The following CACNA1S variants were observed in gnomAD, a reference collection of about 807,000 sequenced individuals.
The protein encoded by CACNA1S is calcium voltage-gated channel subunit alpha1 S, also known as voltage-dependent L-type calcium channel subunit alpha-1S.
A neutral mutation model predicts 207.4 loss-of-function variants in CACNA1S; 126 were observed. The ratio of observed to expected loss-of-function variants is 0.61; its 90% CI spans 0.53 to 0.70. The LOEUF is 0.70. Ranked by LOEUF, CACNA1S falls within the 30% of genes least tolerant of loss-of-function variation. The probability of loss-of-function intolerance (pLI) is 0.00; values close to 1 mark genes in which losing one functional copy is unlikely to be tolerated. For synonymous variants in CACNA1S, 960 were observed against 932.7 expected, an observed-to-expected ratio of 1.03 and a Z score of -0.53; for missense variants, 2,349 against 2,422.8, an observed-to-expected ratio of 0.97 and a Z score of 0.64.
chr1:201,066,488 G>A lies in CACNA1S; in HGVS notation c.2658-172C>T, dbSNP rs540109411. Among the ~76,000 whole-genome samples the A allele has an allele frequency of 6.6e-6, 1 of 152,240 alleles. No homozygotes were observed. Among genetic ancestry groups the A allele is most frequent in the Non-Finnish European group, 1.5e-5 (1 of 68,000 alleles). On this transcript the variant is annotated intron_variant, in intron 20 of 43. Coordinates refer to ENST00000362061, the MANE Select transcript of CACNA1S (RefSeq NM_000069.3). This position sits in a 1 kb window ranked among gnomAD's most constrained non-coding sequence, Gnocchi z 4.3. Reference sequence around the variant, plus strand: ...CCGTGAGAGTGTGCCCGACTCCAGGGCACAGCCACCCCTGCTATCTGGACC... The same window carrying A: ...CCGTGAGAGTGTGCCCGACTCCAGGACACAGCCACCCCTGCTATCTGGACC...
intron 2 of CACNA1S, among the ~76,000 whole-genome samples, chr1:201,108,961 G>T (rs540370900): frequency 6.6e-6 from 1 of 152,282 alleles, no homozygotes; most frequent in Non-Finnish European, 1.5e-5. Flanking sequence ...ACAAGAGCAG[G>T]TTCTGGCTAG....
intron 13 of CACNA1S, 43 bp downstream of exon 13, chr1:201,075,452 C>A: frequency 2.5e-6 from 4 of 1,586,056 alleles, no homozygotes; most frequent in South Asian, 1.1e-5. Flanking sequence ...TTCCCCCACC[C>A]CCTCCCTAAG....
intron 2 of CACNA1S, among the ~76,000 whole-genome samples, chr1:201,094,850 C>T (rs965867143): frequency 2.0e-5 from 3 of 152,132 alleles, no homozygotes; most frequent in Non-Finnish European, 4.4e-5. Context: ...GACCTGTCCC[C>T]GTAGCCTGAT....
intron 2 of CACNA1S, among the ~76,000 whole-genome samples, chr1:201,107,590 A>T (rs1662941567): frequency 6.6e-6 from 1 of 152,230 alleles, no homozygotes; most frequent in Non-Finnish European, 1.5e-5. Flanking sequence ...GTCATGAATA[A>T]TTAAACCTTA....
intron 28 of CACNA1S, among the ~76,000 whole-genome samples, chr1:201,055,376 A>G (rs1231544643): frequency 6.6e-6 from 1 of 152,192 alleles, no homozygotes; most frequent in Non-Finnish European, 1.5e-5. Context: ...CGAAAAACAC[A>G]TATACCTTTG....
chr1:201,112,076 C>T (rs1663135345), intron 1 of CACNA1S, 112 bp downstream of exon 1: 1 of 1,068,728 alleles, frequency 9.4e-7, no homozygotes, highest in Non-Finnish European at 1.4e-6. Flanking sequence ...CACCCCATGT[C>T]TAAGTGCCAG....
chr1:201,067,823 TC>T (rs1327694993), intron 19 of CACNA1S, among the ~76,000 whole-genome samples: 3 of 152,154 alleles, frequency 2.0e-5, no homozygotes, highest in Non-Finnish European at 4.4e-5. Flanking sequence ...AGCCACCATC[TC>T]CCTCTACTCA....
At chr1:201,056,957 C>G (rs991812963) in intron 28 of CACNA1S, among the ~76,000 whole-genome samples, 2 of 152,190 alleles carry the variant, frequency 1.3e-5, no homozygotes, top group Admixed American at 6.5e-5. Flanking sequence ...CAGCCAGCCC[C>G]GGCCCCCATC....
intron 2 of CACNA1S, among the ~76,000 whole-genome samples, chr1:201,106,359 G>A (rs1662885594): frequency 1.3e-5 from 2 of 151,906 alleles, no homozygotes; most frequent in Non-Finnish European, 2.9e-5. Context: ...GCTCCACATG[G>A]GGCCTGAGAG....
rs764507045 is a variant in CACNA1S at position 201,066,180 on chromosome 1, G to A, written c.2745+49C>T. ...AGGTTTCTGGAGCGAGGAGGCCCCTGTAACCCCTCCCATTCCTCTCTGGGG... is the reference window on the plus strand; with the variant it reads ...AGGTTTCTGGAGCGAGGAGGCCCCTATAACCCCTCCCATTCCTCTCTGGGG... On this transcript the variant is annotated intron_variant, in intron 21 of 43. Coordinates refer to ENST00000362061, the MANE Select transcript of CACNA1S (RefSeq NM_000069.3). The surrounding 1 kb of genome is among the most constrained non-coding windows in gnomAD (Gnocchi z 4.3). The A allele has an allele frequency of 1.5e-5, 23 of 1,559,026 alleles. No individual in the cohort carries two copies. In the Middle Eastern group the frequency reaches 8.4e-4, roughly 57 times the overall value.
At chr1:201,070,507 A>G (rs2102132862) in intron 16 of CACNA1S, 103 bp from the exon 17 acceptor site, 1 of 1,515,146 alleles carries the variant, frequency 6.6e-7, no homozygotes, top group East Asian at 2.3e-5. Flanking sequence ...GCCAGTAAGC[A>G]AGGGACCACC....
chr1:201,093,914 C>G lies in CACNA1S; in HGVS notation c.366G>C (p.Trp122Cys). ...AGACAATGGTGAAGTCCAGCACATT[C>G]CAGCCACTGCGCAGGTAAGCGTCCT... ...FHQDAYLRSG[W>C]NVLDFTIVFL... Residue 122 changes from tryptophan to cysteine, a missense_variant, in exon 3 of 44, where the codon TGG (tryptophan) becomes TGC (cysteine). Trp to Cys is a radical substitution (Grantham distance 215). Transcript: ENST00000362061. 6.2e-7 allele frequency: 1 copy of G among 1,614,214 alleles called. No homozygotes were observed. Among genetic ancestry groups the G allele is most frequent in the Non-Finnish European group, 8.5e-7 (1 of 1,180,038 alleles).
rs181612950 is a variant in CACNA1S at position 201,073,127 on chromosome 1, G to T, written c.2158-303C>A. Among the ~76,000 whole-genome samples, 11 of 152,290 alleles carry T rather than the reference G, an allele frequency of 7.2e-5. 1 individual carries two copies. The highest frequency in any genetic ancestry group is 2.6e-4 in the African/African-American group (11 of 41,570). ...TTGAGCTTCCCCAGGCCAGGACCTC[G>T]AGCCTCTCTGGGCCCAGTTCCCTGA... On this transcript the variant is annotated intron_variant, in intron 15 of 43. Coordinates refer to ENST00000362061, the MANE Select transcript of CACNA1S (RefSeq NM_000069.3).
chr1:201,094,066 G>A (rs1438427164), intron 2 of CACNA1S, 45 bp from the exon 3 acceptor site: 2 of 1,612,744 alleles, frequency 1.2e-6, no homozygotes, highest in Admixed American at 3.3e-5. Context: ...TGCTCTCTGA[G>A]TGCACCCTTG....
chr1:201,065,775 C>T, intron 22 of CACNA1S, 63 bp downstream of exon 22: 5 of 1,090,046 alleles, frequency 4.6e-6, no homozygotes, highest in Middle Eastern at 2.1e-4. Context: ...GCTCCTTGTG[C>T]TTGAGAGTGG....
At chr1:201,104,703 A>T (rs1440649250) in intron 2 of CACNA1S, among the ~76,000 whole-genome samples, 1 of 152,212 alleles carries the variant, frequency 6.6e-6, no homozygotes, top group African/African-American at 2.4e-5. Context: ...TTGACATAGG[A>T]TTGCTTTGAG....
rs921262693 is a variant in CACNA1S, at chr1:201,053,268, G to A, written c.3802C>T (p.Pro1268Ser). ...WTFIKSFQAL[P>S]YVALLIVMLF... ...ATGACGATGAGCAGAGCCACGTAGG[G>A]TAGGGCCTGCAGGGCGGGCGGGAGC... Residue 1268 changes from proline to serine, a missense_variant, in exon 31 of 44, where the codon CCC becomes TCC. Transcript: ENST00000362061. This position sits in a 1 kb window ranked among gnomAD's most constrained non-coding sequence, Gnocchi z 5.1. The A allele has an allele frequency of 6.8e-6, 11 of 1,614,206 alleles. No individual in the cohort carries two copies. The highest frequency in any genetic ancestry group is 8.5e-6 in the Non-Finnish European group (10 of 1,180,034).
Position 201,047,211 on chromosome 1 carries a change from G to T in CACNA1S, c.4572C>A (p.Tyr1524Ter). 1 of 1,614,186 alleles carries T rather than the reference G, an allele frequency of 6.2e-7. No individual in the cohort carries two copies. The highest frequency in any genetic ancestry group is 8.5e-7 in the Non-Finnish European group (1 of 1,180,014). The change falls in exon 38 of 44, where the codon TAC becomes TAA. Residue 1524 changes from tyrosine (Y) to a stop codon, truncating the protein, a stop_gained. Transcript: ENST00000362061. LOFTEE classifies it high-confidence loss of function. ...AGTGCTCCTGGATGAGGAATGTGGC[G>T]TAGAACTTCCCCACTGTCACCTCAT... Reference protein sequence around the residue: ...GDDEVTVGKFYATFLIQEHFR... With the variant: ...GDDEVTVGKF
At position 201,072,775 on chromosome 1, in the gene CACNA1S, T is replaced by A. The variant is rs756870237; in HGVS notation, c.2207A>T (p.Tyr736Phe). 2.8e-5 allele frequency: 45 copies of A among 1,613,514 alleles called. No homozygotes were observed. Among genetic ancestry groups the A allele is most frequent in the African/African-American group, 5.3e-5 (4 of 74,868 alleles). ...CTCACCTGGGAAGTCGGCTGAGGGG[T>A]AGGGATCCTTCACCTCATTGACATT... is the stretch of plus-strand genomic sequence containing the variant. ...ESNVNEVKDP[Y>F]PSADFPGDDE... The change falls in exon 16 of 44, where the codon TAC (tyrosine) becomes TTC (phenylalanine). Residue 736 changes from tyrosine to phenylalanine, a missense_variant. Tyr to Phe is a conservative substitution (Grantham distance 22). Coordinates refer to ENST00000362061, the MANE Select transcript of CACNA1S (RefSeq NM_000069.3).
Sources: gnomAD v4.1 joint callset for allele counts (sites outside exome capture counted in the v4.1 genomes callset) on GRCh38, gnomAD v4.1.1 for gene constraint, Gnocchi (gnomAD v3.1) non-coding constraint, MANE v1.5 for transcripts, NCBI Gene and HGNC (gene_info 2026-07-23, HGNC 2026-07-21) for gene names.